The following TBC1D8 variants were observed in gnomAD, a reference collection of about 807,000 sequenced individuals.
TBC1D8 encodes the protein BUB2-like protein 1.
Under a neutral mutation model 118.8 loss-of-function variants are expected in TBC1D8, and 65 were observed. The observed-to-expected ratio is 0.55, with a 90% CI of 0.45 to 0.67. The LOEUF (loss-of-function observed/expected upper bound fraction) is 0.67. Ranked by LOEUF, TBC1D8 falls within the 30% of genes least tolerant of loss-of-function variation. TBC1D8 has a pLI of 0.00. For synonymous variants in TBC1D8, 566 were observed against 595.8 expected, an observed-to-expected ratio of 0.95 and a Z score of 0.73; for missense variants, 1,376 against 1,471.2, an observed-to-expected ratio of 0.94 and a Z score of 1.06.
At chr2:101,122,411 A>AAAAAAAAAAAAAAAT (rs1574064494) in intron 1 of TBC1D8, among the ~76,000 whole-genome samples, 2 of 138,914 alleles carry the variant, frequency 1.4e-5, no homozygotes, top group Non-Finnish European at 3.1e-5. Context: ...AAAAAAAAAA[A>AAAAAAAAAAAAAAAT]GCATGGATAA....
rs530999047 is a variant in TBC1D8 at position 101,103,333 on chromosome 2, C to G, written c.128-12969G>C. Reference sequence around the variant, plus strand: ...ATTCATGATTTTAAAAAAAAAAAAACTTGGAAGGGGGAAGCAGGAAACAAA... The same window carrying G: ...ATTCATGATTTTAAAAAAAAAAAAAGTTGGAAGGGGGAAGCAGGAAACAAA... On this transcript the variant is annotated intron_variant, in intron 1 of 19. Coordinates refer to ENST00000409318, the MANE Select transcript of TBC1D8 (RefSeq NM_001330348.2). 3.9e-3 allele frequency among the ~76,000 whole-genome samples: 532 copies of G among 135,370 alleles called. 2 individuals are homozygous for G. Among genetic ancestry groups the G allele is most frequent in the African/African-American group, 0.013 (484 of 37,028 alleles). 88.8% of individuals were successfully genotyped at this position (135,370 alleles called of 152,430 possible).
intron 19 of TBC1D8, among the ~76,000 whole-genome samples, chr2:101,008,546 G>A (rs1252269053): frequency 6.6e-6 from 1 of 152,184 alleles, no homozygotes; most frequent in Non-Finnish European, 1.5e-5. Context: ...TGGGCACAGT[G>A]GCTCCCGCCT....
intron 1 of TBC1D8, among the ~76,000 whole-genome samples, chr2:101,148,955 C>T (rs1679432364): frequency 6.6e-6 from 1 of 152,158 alleles, no homozygotes; most frequent in Admixed American, 6.5e-5. Context: ...TACCACAATC[C>T]TAAGTGGTCC....
chr2:101,144,141 A>T (rs1401510761), intron 1 of TBC1D8, among the ~76,000 whole-genome samples: 1 of 152,180 alleles, frequency 6.6e-6, no homozygotes, highest in Non-Finnish European at 1.5e-5. Flanking sequence ...TGATGTCTAC[A>T]TCCATGTATT....
intron 1 of TBC1D8, among the ~76,000 whole-genome samples, chr2:101,111,290 G>A (rs991503164): frequency 2.6e-5 from 4 of 152,164 alleles, no homozygotes; most frequent in African/African-American, 4.8e-5. Flanking sequence ...TTTTCAGGGC[G>A]TGCAGCAGAG....
At chr2:101,086,480 C>T (rs1675638120) in intron 2 of TBC1D8, among the ~76,000 whole-genome samples, 1 of 151,744 alleles carries the variant, frequency 6.6e-6, no homozygotes, top group Non-Finnish European at 1.5e-5. Flanking sequence ...ACACTATGCT[C>T]ACAGTAGTTA....
At chr2:101,129,588 T>A (rs1028394942) in intron 1 of TBC1D8, among the ~76,000 whole-genome samples, 1 of 152,078 alleles carries the variant, frequency 6.6e-6, no homozygotes, top group Non-Finnish European at 1.5e-5. Flanking sequence ...AACACCCACA[T>A]TTCAGGGGTT....
Position 101,017,160 on chromosome 2 carries a change from C to T in TBC1D8, c.2827+4521G>A, listed in dbSNP as rs1032870486. The stretch of plus-strand genomic sequence containing the variant: ...TCAATATCAGTGTCTTCCACGTCCA[C>T]ATCTTGTCCCAACTGAAGGTCTTCA... On this transcript the variant is annotated intron_variant, in intron 17 of 19. Transcript: ENST00000409318. Among the ~76,000 whole-genome samples, 5 of 151,994 alleles carry T rather than the reference C, an allele frequency of 3.3e-5. No individual in the cohort carries two copies. In the South Asian group the frequency reaches 8.3e-4, roughly 25 times the overall value.
intron 1 of TBC1D8, among the ~76,000 whole-genome samples, chr2:101,102,106 C>T (rs1178203932): frequency 1.3e-5 from 2 of 151,964 alleles, no homozygotes; most frequent in Admixed American, 1.3e-4. Flanking sequence ...AAGAAAGATG[C>T]AATGAATAGA....
At chr2:101,037,418 C>T (rs934394696) in intron 8 of TBC1D8, 114 bp downstream of exon 8, 6 of 1,424,604 alleles carry the variant, frequency 4.2e-6, no homozygotes, top group Non-Finnish European at 5.7e-6. Flanking sequence ...GGAGGAGGAG[C>T]GTTAGCTTCC....
chr2:101,136,780 T>C (rs1188716041), intron 1 of TBC1D8, among the ~76,000 whole-genome samples: 1 of 152,228 alleles, frequency 6.6e-6, no homozygotes, highest in East Asian at 1.9e-4. Context: ...GAGCTATACA[T>C]TCTGTAAGCA....
chr2:101,114,579 C>T (rs956208598), intron 1 of TBC1D8, among the ~76,000 whole-genome samples: 3 of 152,182 alleles, frequency 2.0e-5, no homozygotes, highest in African/African-American at 7.2e-5. Context: ...CAGTAATTTG[C>T]AACACAACAG....
At position 101,122,383 on chromosome 2, in the gene TBC1D8, C is replaced by CAAAAAAAAAAAAAA. The variant is rs70943064; in HGVS notation, c.127+28730_127+28743dup. On this transcript the variant is annotated intron_variant, in intron 1 of 19. Coordinates refer to ENST00000409318, the MANE Select transcript of TBC1D8 (RefSeq NM_001330348.2). ...ACCGCGCCCGGCCAAGACTCCATTT[C>CAAAAAAAAAAAAAA]AAAAAAAAAAAAAAAAAAAAAAAAA... Among the ~76,000 whole-genome samples, 234 of 71,920 alleles carry CAAAAAAAAAAAAAA rather than the reference C, an allele frequency of 3.3e-3. 12 individuals are homozygous for CAAAAAAAAAAAAAA. The highest frequency in any genetic ancestry group is 9.4e-3 in the Middle Eastern group (1 of 106). 47.2% of individuals were successfully genotyped at this position (71,920 alleles called of 152,430 possible).
At chr2:101,028,475 G>A (rs549537717) in intron 12 of TBC1D8, 43 bp from the exon 13 acceptor site, 116 of 1,518,204 alleles carry the variant, frequency 7.6e-5, no homozygotes, top group South Asian at 6.3e-4. Flanking sequence ...ATCCTCATTC[G>A]GGTACCACAA....
intron 1 of TBC1D8, among the ~76,000 whole-genome samples, chr2:101,103,486 G>A (rs1037568102): frequency 4.0e-5 from 6 of 151,388 alleles, no homozygotes; most frequent in Admixed American, 6.6e-5. Context: ...CCGCCTCCCA[G>A]GTTCATGCCA....
intron 4 of TBC1D8, among the ~76,000 whole-genome samples, chr2:101,051,047 T>C (rs1284829893): frequency 6.6e-6 from 1 of 152,238 alleles, no homozygotes; most frequent in Non-Finnish European, 1.5e-5. Context: ...CAAAGCATAA[T>C]GGCCTCCAGC....
At chr2:101,054,428 A>C in intron 3 of TBC1D8, 92 bp from the exon 4 acceptor site, 1 of 1,296,996 alleles carries the variant, frequency 7.7e-7, no homozygotes, top group Non-Finnish European at 1.1e-6. Flanking sequence ...ACTGAGGTGC[A>C]CAGGCCCCCG....
At chr2:101,063,039 C>A (rs891605643) in intron 2 of TBC1D8, among the ~76,000 whole-genome samples, 14 of 152,270 alleles carry the variant, frequency 9.2e-5, no homozygotes, top group Middle Eastern at 3.4e-3. Flanking sequence ...CCACTTACAG[C>A]GAGCTGTCTC....
chr2:101,099,879 T>C (rs191107633), intron 1 of TBC1D8, among the ~76,000 whole-genome samples: 1 of 152,276 alleles, frequency 6.6e-6, no homozygotes, highest in Admixed American at 6.5e-5. Flanking sequence ...ATAAGAGCTA[T>C]TTATGACAAA....
Sources: gnomAD v4.1 joint callset for allele counts (sites outside exome capture counted in the v4.1 genomes callset) on GRCh38, gnomAD v4.1.1 for gene constraint, MANE v1.5 for transcripts, NCBI Gene and HGNC (gene_info 2026-07-23, HGNC 2026-07-21) for gene names.